The following NAPA variants were observed in gnomAD, a reference collection of about 807,000 sequenced individuals.
NAPA encodes alpha-soluble NSF attachment protein.
A neutral mutation model predicts 48.0 loss-of-function variants in NAPA; 18 were observed. That is an observed-to-expected ratio of 0.38 (90% CI 0.26 to 0.56). NAPA has a LOEUF of 0.56. Among genes scored for constraint, NAPA ranks in the 20% least tolerant of loss-of-function variants. NAPA has a pLI of 0.77. For missense variants in NAPA, 315 were observed against 385.0 expected (o/e 0.82, Z 1.52); for synonymous variants, 152 against 149.9 (o/e 1.01, Z -0.10).
At chr19:47,500,082 C>T (rs1219909572) in intron 3 of NAPA, among the ~76,000 whole-genome samples, 1 of 152,246 alleles carries the variant, frequency 6.6e-6, no homozygotes, top group Non-Finnish European at 1.5e-5. Context: ...GAGTCAGCCC[C>T]AAACTGGGTT....
chr19:47,497,101 G>A (rs530280959), intron 3 of NAPA: 49 of 272,616 alleles, frequency 1.8e-4, no homozygotes, highest in South Asian at 1.2e-3. Flanking sequence ...CGGCTAAGCC[G>A]GGCCACGCTG....
rs979726070 is a variant in NAPA at position 47,493,947 on chromosome 19, G to A, written c.343-454C>T. The stretch of plus-strand genomic sequence containing the variant: ...TTGAGACCTCTGCCCAAGAGTACCA[G>A]CTCTGCCCCCAGGCCAACACCTATC... On this transcript the variant is annotated intron_variant, in intron 4 of 10. Transcript: ENST00000263354. This position sits in a 1 kb window ranked among gnomAD's most constrained non-coding sequence, Gnocchi z 6.4. Among the ~76,000 whole-genome samples, 1 of 152,184 alleles carries A rather than the reference G, an allele frequency of 6.6e-6. No homozygotes were observed. Among genetic ancestry groups the A allele is most frequent in the African/African-American group, 2.4e-5 (1 of 41,442 alleles).
At chr19:47,513,851 T>C (rs1410514853) in intron 1 of NAPA, among the ~76,000 whole-genome samples, 2 of 140,256 alleles carry the variant, frequency 1.4e-5, no homozygotes, top group Admixed American at 7.0e-5. Context: ...TCTTTCTTTT[T>C]TTTTTTTTTT....
At position 47,506,318 on chromosome 19, in the gene NAPA, C is replaced by G. The variant is rs1968693088; in HGVS notation, c.99-2816G>C. The stretch of plus-strand genomic sequence containing the variant: ...CAGCCTGGAATGACTTCTTTAGAAC[C>G]CATTCCTGGCCTTGGAGAGGTAAGA... On this transcript the variant is annotated intron_variant, in intron 1 of 10. Coordinates refer to ENST00000263354, the MANE Select transcript of NAPA (RefSeq NM_003827.4). The surrounding 1 kb of genome is among the most constrained non-coding windows in gnomAD (Gnocchi z 4.0). Among the ~76,000 whole-genome samples the G allele has an allele frequency of 6.6e-6, 1 of 152,110 alleles. No homozygotes were observed. Among genetic ancestry groups the G allele is most frequent in the Admixed American group, 6.5e-5 (1 of 15,272 alleles).
At chr19:47,511,193 G>A (rs898978199) in intron 1 of NAPA, among the ~76,000 whole-genome samples, 1 of 152,172 alleles carries the variant, frequency 6.6e-6, no homozygotes, top group Admixed American at 6.5e-5. Context: ...CTCCAGTCCC[G>A]GCAGCTACCA....
At chr19:47,503,682 A>G (rs560992944) in intron 1 of NAPA, among the ~76,000 whole-genome samples, 180 bp from the exon 2 acceptor site, 51 of 152,112 alleles carry the variant, frequency 3.4e-4, no homozygotes, top group African/African-American at 1.2e-3. Context: ...TGGCACACTC[A>G]CTTCGGGCAG....
Position 47,493,217 on chromosome 19 carries a change from G to A in NAPA, c.421-43C>T. On this transcript the variant is annotated intron_variant, in intron 5 of 10. Coordinates refer to ENST00000263354, the MANE Select transcript of NAPA (RefSeq NM_003827.4). The surrounding 1 kb of genome is among the most constrained non-coding windows in gnomAD (Gnocchi z 6.4). ...ATGGGTTCCAGGGGAGGGCAGGGAA[G>A]GGAGAGGAGGCCTCCGTGAAGCTTC... 1 of 1,552,964 alleles carries A rather than the reference G, an allele frequency of 6.4e-7. No homozygotes were observed. Among genetic ancestry groups the A allele is most frequent in the Non-Finnish European group, 8.8e-7 (1 of 1,142,646 alleles).
In NAPA at chr19:47,493,760, C is replaced by T; in HGVS notation, c.343-267G>A. 1 of 472,630 alleles carries T rather than the reference C, an allele frequency of 2.1e-6. No homozygotes were observed. The highest frequency in any genetic ancestry group is 2.7e-5 in the South Asian group (1 of 37,578). The allele number at this position is 472,630 out of a possible 1,614,324, so 29.3% of individuals were successfully genotyped here. A position where few individuals can be genotyped will look rare whatever the true frequency, so the allele number is the denominator to read the frequency against. ...GGCCTTAGCCTAATTCCATCCCATC[C>T]ACGAGGGCACAGATGGTGTGACACC... On this transcript the variant is annotated intron_variant, in intron 4 of 10. Transcript: ENST00000263354. The surrounding 1 kb of genome is among the most constrained non-coding windows in gnomAD (Gnocchi z 6.4).
chr19:47,489,428 C>T (rs114261248), intron 10 of NAPA: 7,463 of 493,194 alleles, frequency 0.015, 109 homozygotes, highest in African/African-American at 0.041. Flanking sequence ...TCTTCAGAGG[C>T]AGACAGATGT....
At chr19:47,511,878 C>T (rs1300714182) in intron 1 of NAPA, among the ~76,000 whole-genome samples, 2 of 152,216 alleles carry the variant, frequency 1.3e-5, no homozygotes, top group East Asian at 3.9e-4. Flanking sequence ...CTCCTGCTGT[C>T]ACTCTCCCCC....
At position 47,514,896 on chromosome 19, in the gene NAPA, G is replaced by C; in HGVS notation, c.45C>G (p.Ala15=). Residue 15 remains alanine, a synonymous_variant, in exon 1 of 11, where the codon GCC becomes GCG. Coordinates refer to ENST00000263354, the MANE Select transcript of NAPA (RefSeq NM_003827.4). ...GKEAEAMALL[A]EAERKVKNSQ... ...AGTTCTTCACTTTGCGCTCCGCCTC[G>C]GCCAACAGCGCCATCGCCTCCGCTT... 1 of 1,613,990 alleles carries C rather than the reference G, an allele frequency of 6.2e-7. No individual in the cohort carries two copies. The highest frequency in any genetic ancestry group is 8.5e-7 in the Non-Finnish European group (1 of 1,179,996).
At chr19:47,509,588 C>G (rs373327217) in intron 1 of NAPA, among the ~76,000 whole-genome samples, 2 of 152,142 alleles carry the variant, frequency 1.3e-5, no homozygotes, top group Admixed American at 1.3e-4. Flanking sequence ...CATCAGGCCC[C>G]GCAGAGGACC....
In NAPA at chr19:47,504,525, A is replaced by G. The variant is rs1367278762; in HGVS notation, c.99-1023T>C. ...GTAACAGCATTTTTCTCTTAAGGTG[A>G]AGCCTGCAGAAGGAGGGCCAGGTGT... On this transcript the variant is annotated intron_variant, in intron 1 of 10. Transcript: ENST00000263354. Among the ~76,000 whole-genome samples the G allele has an allele frequency of 2.0e-5, 3 of 152,160 alleles. No individual in the cohort carries two copies. The South Asian group carries it at 6.2e-4, about 32-fold the overall frequency.
intron 4 of NAPA, among the ~76,000 whole-genome samples, chr19:47,494,111 C>A (rs895617143): frequency 2.6e-5 from 4 of 152,170 alleles, no homozygotes; most frequent in Admixed American, 6.5e-5. Context: ...CCAACGCCAC[C>A]CCCTTGCTGA....
At chr19:47,492,212 G>C in intron 7 of NAPA, 93 bp from the exon 8 acceptor site, 2 of 1,141,988 alleles carry the variant, frequency 1.8e-6, no homozygotes, top group Non-Finnish European at 2.6e-6. Flanking sequence ...GCTGGGAGCT[G>C]GTTCATGTCC....
chr19:47,511,182 T>C (rs1968798355), intron 1 of NAPA, among the ~76,000 whole-genome samples: 1 of 152,176 alleles, frequency 6.6e-6, no homozygotes, highest in Non-Finnish European at 1.5e-5. Context: ...AACGCTCCCT[T>C]CTCCAGTCCC....
downstream of NAPA, among the ~76,000 whole-genome samples, chr19:47,486,717 G>T (rs192253221): frequency 1.8e-3 from 267 of 152,324 alleles, 4 homozygotes; most frequent in Non-Finnish European, 5.9e-4. Flanking sequence ...ACCCATGATG[G>T]GGGCAGACAT....
chr19:47,507,843 G>T (rs1170227591), intron 1 of NAPA, among the ~76,000 whole-genome samples: 1 of 152,214 alleles, frequency 6.6e-6, no homozygotes, highest in African/African-American at 2.4e-5. Context: ...GCTCAGAGAG[G>T]GCGGAGGGCT....
chr19:47,490,386 G>T (rs949059839), intron 9 of NAPA, among the ~76,000 whole-genome samples: 1 of 146,760 alleles, frequency 6.8e-6, no homozygotes, highest in Non-Finnish European at 1.5e-5. Flanking sequence ...GTGTGTGTGG[G>T]GTGTGTGGGG....
Sources: allele counts gnomAD v4.1 joint callset (sites outside exome capture counted in the v4.1 genomes callset), GRCh38; gene constraint gnomAD v4.1.1; non-coding constraint Gnocchi (gnomAD v3.1); transcripts MANE v1.5; gene names NCBI Gene and HGNC (gene_info 2026-07-23, HGNC 2026-07-21).